The following PDPR variants were observed in gnomAD, a reference collection of about 807,000 sequenced individuals.
The protein encoded by PDPR is pyruvate dehydrogenase phosphatase regulatory subunit, mitochondrial.
Under a neutral mutation model 102.2 loss-of-function variants are expected in PDPR, and 50 were observed. That is an observed-to-expected ratio of 0.49 (90% confidence interval 0.39 to 0.62). PDPR has a LOEUF of 0.62. Among genes scored for constraint, PDPR ranks in the 20% least tolerant of loss-of-function variants. PDPR has a pLI of 0.00. For synonymous variants in PDPR, 259 were observed against 406.0 expected (o/e 0.64, Z 4.35); for missense variants, 625 against 1,098.2 (o/e 0.57, Z 6.09).
In PDPR at chr16:70,116,616, C is replaced by T. The variant is rs199499362; in HGVS notation, c.-33+1686C>T. Among the ~76,000 whole-genome samples, 11 of 145,984 alleles carry T rather than the reference C, an allele frequency of 7.5e-5. No homozygotes were observed. In the East Asian group the frequency reaches 2.1e-3, roughly 27 times the overall value. On this transcript the variant is annotated intron_variant, in intron 2 of 18. Coordinates refer to ENST00000288050, the MANE Select transcript of PDPR (RefSeq NM_017990.5). The stretch of plus-strand genomic sequence containing the variant: ...TGTGGTGAGAGAGTATTGAATCCAA[C>T]AAACGGGAACTGGTTAGTGAGGCCC...
intron 2 of PDPR, among the ~76,000 whole-genome samples, chr16:70,115,996 C>T (rs1242232908): frequency 2.0e-5 from 3 of 151,366 alleles, no homozygotes; most frequent in African/African-American, 7.3e-5. Flanking sequence ...TGTCTTAAGC[C>T]CTTCTTTTCC....
Position 70,142,641 on chromosome 16 carries a change from T to C in PDPR, c.1560T>C (p.Ala520=). Residue 520 remains alanine (A), a synonymous_variant, in exon 13 of 19, where the codon GCT becomes GCC. Transcript: ENST00000288050. ...CTGAAGTCAAGTGCTGTAAGGAAGC[T>C]GTGTGTGTCATTGACATGTCCTCTT... ...VESEVKCCKE[A]VCVIDMSSFT... is the part of the protein sequence containing the mutation. 1 of 1,614,092 alleles carries C rather than the reference T, an allele frequency of 6.2e-7. No individual in the cohort carries two copies. The highest frequency in any genetic ancestry group is 8.5e-7 in the Non-Finnish European group (1 of 1,179,908).
intron 2 of PDPR, among the ~76,000 whole-genome samples, chr16:70,118,446 C>T (rs1437064280): frequency 3.3e-5 from 5 of 152,250 alleles, no homozygotes; most frequent in African/African-American, 1.2e-4. Flanking sequence ...CTAGCCTAAG[C>T]CACCAAGGAG....
At chr16:70,119,795 C>T (rs1402558842) in intron 2 of PDPR, among the ~76,000 whole-genome samples, 9 of 150,496 alleles carry the variant, frequency 6.0e-5, no homozygotes, top group East Asian at 1.9e-4. Flanking sequence ...CATTCACACA[C>T]GCAAACTCTC....
At chr16:70,163,279 T>TA (rs398042209), downstream of PDPR, among the ~76,000 whole-genome samples, 2 of 152,304 alleles carry the variant, frequency 1.3e-5, no homozygotes, top group Non-Finnish European at 2.9e-5. Context: ...TTTTTTTTTT[T>TA]AAGTATTTGT....
chr16:70,114,026 C>T (rs1158514701), upstream of PDPR: 1 of 152,166 alleles, frequency 6.6e-6, no homozygotes, highest in Non-Finnish European at 1.5e-5. Flanking sequence ...CTGCGATCAT[C>T]TCAGATGTTC....
rs551744507 is a variant in PDPR, at chr16:70,160,039, G to A, written c.*3160G>A. 1.3e-5 allele frequency: 2 copies of A among 152,934 alleles called. No individual in the cohort carries two copies. Among genetic ancestry groups the A allele is most frequent in the Non-Finnish European group, 2.9e-5 (2 of 68,444 alleles). 9.5% of individuals were successfully genotyped at this position (152,934 alleles called of 1,614,324 possible). ...CATAGCATTTTGTGCTCACCACGAAGGATGGTCTCTGCCTTCTCTTGTCGG... is the reference window on the plus strand; with the variant it reads ...CATAGCATTTTGTGCTCACCACGAAAGATGGTCTCTGCCTTCTCTTGTCGG... On this transcript the variant is annotated 3_prime_UTR_variant, in exon 19 of 19. Coordinates refer to ENST00000288050, the MANE Select transcript of PDPR (RefSeq NM_017990.5).
chr16:70,149,174 T>G (rs1353558685), intron 17 of PDPR, among the ~76,000 whole-genome samples: 1 of 149,890 alleles, frequency 6.7e-6, no homozygotes, highest in Non-Finnish European at 1.5e-5. Context: ...GGATTATAGG[T>G]GTGAGCCACC....
Position 70,156,960 on chromosome 16 carries a change from TC to T in PDPR, c.*82del. The T allele has an allele frequency of 6.5e-7, 1 of 1,535,152 alleles. No individual in the cohort carries two copies. Among genetic ancestry groups the T allele is most frequent in the Non-Finnish European group, 8.9e-7 (1 of 1,127,690 alleles). ...CCTTGGAGCTTCTCTTCCTTCCGCC[TC>T]TGTTCCTCTTCTGGAGCCTTTGCCT... On this transcript the variant is annotated 3_prime_UTR_variant, in exon 19 of 19. Transcript: ENST00000288050.
At chr16:70,124,772 T>C (rs1236097611) in intron 3 of PDPR, among the ~76,000 whole-genome samples, 14 of 152,260 alleles carry the variant, frequency 9.2e-5, no homozygotes, top group Admixed American at 5.2e-4. Context: ...GATAGAAAAA[T>C]CTCTTTAGGG....
rs1487135319 is a variant in PDPR at position 70,128,973 on chromosome 16, C to T, written c.458C>T (p.Pro153Leu). 6.2e-7 allele frequency: 1 copy of T among 1,613,736 alleles called. No individual in the cohort carries two copies. ...TTCTGTGGCAGTGTTATAGGTATCC[C>T]TTCTGAGATCATCTCCCCCAAGAAA... ...INAGLNVIGI[P>L]SEIISPKKVA... The change falls in exon 6 of 19, where the codon CCT becomes CTT. Residue 153 changes from proline to leucine, a missense_variant. Coordinates refer to ENST00000288050, the MANE Select transcript of PDPR (RefSeq NM_017990.5).
At chr16:70,148,083 G>A (rs1171590284) in intron 16 of PDPR, among the ~76,000 whole-genome samples, 33 of 152,358 alleles carry the variant, frequency 2.2e-4, no homozygotes, top group Middle Eastern at 3.4e-3. Flanking sequence ...TATGGCAGGC[G>A]GCCAGGGTTT....
intron 3 of PDPR, among the ~76,000 whole-genome samples, chr16:70,122,828 C>G (rs1385587990): frequency 1.4e-5 from 2 of 147,290 alleles, no homozygotes; most frequent in East Asian, 2.0e-4. Context: ...CATTTATTTA[C>G]TCAGTTATAT....
At chr16:70,154,909 G>A (rs1966950061) in intron 18 of PDPR, among the ~76,000 whole-genome samples, 1 of 152,226 alleles carries the variant, frequency 6.6e-6, no homozygotes. Flanking sequence ...AGAGTGCTGG[G>A]ATTACAGGCG....
At chr16:70,122,943 C>T (rs1215776596) in intron 3 of PDPR, among the ~76,000 whole-genome samples, 1 of 152,230 alleles carries the variant, frequency 6.6e-6, no homozygotes, top group African/African-American at 2.4e-5. Flanking sequence ...CTTTGTCACC[C>T]AGGCTGGAGT....
upstream of PDPR, chr16:70,114,150 G>C (rs1962386697): frequency 6.6e-6 from 1 of 152,196 alleles, no homozygotes; most frequent in Admixed American, 6.5e-5. Context: ...CGGGGGCGGT[G>C]CCTCGCGAGA....
At chr16:70,145,746 C>T (rs1379128732) in intron 15 of PDPR, 2 of 459,436 alleles carry the variant, frequency 4.4e-6, no homozygotes, top group African/African-American at 4.0e-5. Flanking sequence ...CTTTCCTTAT[C>T]TAGTAAGCAT....
In PDPR at chr16:70,148,613, T is replaced by A; in HGVS notation, c.2052+60T>A. On this transcript the variant is annotated intron_variant, in intron 17 of 18. Transcript: ENST00000288050. ...TTCCCTTCCCTTCCCTTCCCTTCCC[T>A]TCCCACAACCACTGTGGGGTGCCAG... 8 of 1,143,262 alleles carry A rather than the reference T, an allele frequency of 7.0e-6. No individual in the cohort carries two copies. In the South Asian group the frequency reaches 9.5e-5, roughly 14 times the overall value. The allele number at this position is 1,143,262 out of a possible 1,614,324, so 70.8% of individuals were successfully genotyped here.
chr16:70,130,838 T>C (rs2549541), intron 7 of PDPR, among the ~76,000 whole-genome samples: 16,108 of 145,948 alleles, frequency 0.11, 8 homozygotes, highest in Non-Finnish European at 0.16. Flanking sequence ...TTTCATTCTA[T>C]AACCTAGCAA....
Sources: gnomAD v4.1 joint callset for allele counts (sites outside exome capture counted in the v4.1 genomes callset) on GRCh38, gnomAD v4.1.1 for gene constraint, MANE v1.5 for transcripts, NCBI Gene and HGNC (gene_info 2026-07-23, HGNC 2026-07-21) for gene names.